NOX5: variants seen among roughly 807,000 people sequenced by gnomAD.
The protein encoded by NOX5 is NADPH oxidase, EF-hand calcium binding domain 5.
A neutral mutation model predicts 85.7 loss-of-function variants in NOX5; 76 were observed. That is an observed-to-expected ratio of 0.89 (90% confidence interval 0.74 to 1.07). The LOEUF (loss-of-function observed/expected upper bound fraction) is 1.07, where lower values mean the gene tolerates loss of function less well. Ranked by LOEUF, NOX5 falls within the 50% of genes least tolerant of loss-of-function variation. The pLI is 0.00. For missense variants in NOX5, 973 were observed against 999.5 expected (o/e 0.97, Z 0.36); for synonymous variants, 405 against 401.4 (o/e 1.01, Z -0.11).
intron 13 of NOX5, 131 bp from the exon 14 acceptor site, chr15:69,048,828 C>T (rs1390052962): frequency 6.9e-6 from 4 of 582,140 alleles, no homozygotes; most frequent in Non-Finnish European, 1.2e-5. Flanking sequence ...TGATTTTTCC[C>T]TCCCTTAAAT....
At chr15:69,032,899 T>A in intron 4 of NOX5, 144 bp from the exon 5 acceptor site, 1 of 1,153,678 alleles carries the variant, frequency 8.7e-7, no homozygotes, top group Non-Finnish European at 1.2e-6. Context: ...ACCAAGCCAC[T>A]TGACCTCTCT....
chr15:69,023,123 T>C (rs979293080), intron 1 of NOX5: 10 of 398,832 alleles, frequency 2.5e-5, no homozygotes, highest in Non-Finnish European at 4.3e-5. Flanking sequence ...TTAATGGAGA[T>C]TCACTGCTGT....
chr15:69,062,577 C>T lies in NOX5; in HGVS notation c.*5881C>T, dbSNP rs948157392. 1.9e-4 allele frequency: 29 copies of T among 152,210 alleles called. No individual in the cohort carries two copies. Among genetic ancestry groups the T allele is most frequent in the African/African-American group, 6.8e-4 (28 of 41,454 alleles). 9.4% of individuals were successfully genotyped at this position (152,210 alleles called of 1,614,324 possible). The stretch of plus-strand genomic sequence containing the variant: ...CTTTAAATAGCATCATTTCGTGCTC[C>T]CCCAGGACACTGTGCAGCTTCGCAC... On this transcript the variant is annotated 3_prime_UTR_variant, in exon 16 of 16. Coordinates refer to ENST00000388866, the MANE Select transcript of NOX5 (RefSeq NM_024505.4).
At chr15:69,056,467 C>A in intron 15 of NOX5, 98 bp from the exon 16 acceptor site, 2 of 1,487,350 alleles carry the variant, frequency 1.3e-6, no homozygotes, top group South Asian at 2.6e-5. Flanking sequence ...TCATTGCTGC[C>A]GACCCGTTAT....
At chr15:69,042,975 G>A (rs1183132152) in intron 10 of NOX5, among the ~76,000 whole-genome samples, 170 bp downstream of exon 10, 1 of 152,300 alleles carries the variant, frequency 6.6e-6, no homozygotes, top group East Asian at 1.9e-4. Context: ...CCTTCTCGAA[G>A]TCTGACCACT....
chr15:69,035,332 C>T, intron 5 of NOX5, 22 bp from the exon 6 acceptor site: 1 of 1,611,450 alleles, frequency 6.2e-7, no homozygotes. Context: ...AGGCAGGGCT[C>T]TCTCCCACTC....
At position 69,022,710 on chromosome 15, in the gene NOX5, A is replaced by C. The variant is rs140282881; in HGVS notation, c.51-3818A>C. ...AAAAAATGAATAGATAAATATGGTC[A>C]TTCAAGAGTTAGGTCTGGATAAAGC... On this transcript the variant is annotated intron_variant, in intron 1 of 15. Coordinates refer to ENST00000388866, the MANE Select transcript of NOX5 (RefSeq NM_024505.4). 1.3e-4 allele frequency: 25 copies of C among 191,364 alleles called. No homozygotes were observed. In the East Asian group the frequency reaches 4.5e-3, roughly 35 times the overall value. 11.9% of individuals were successfully genotyped at this position (191,364 alleles called of 1,614,324 possible). A position where few individuals can be genotyped will look rare whatever the true frequency, so the allele number is the denominator to read the frequency against.
chr15:69,028,428 C>T lies in NOX5; in HGVS notation c.325+63C>T, dbSNP rs184603365. The T allele has an allele frequency of 3.9e-5, 58 of 1,469,316 alleles. No individual in the cohort carries two copies. The East Asian group carries it at 5.1e-4, about 13-fold the overall frequency. The allele number at this position is 1,469,316 out of a possible 1,614,324, so 91.0% of individuals were successfully genotyped here. On this transcript the variant is annotated intron_variant, in intron 3 of 15. Transcript: ENST00000388866. The stretch of plus-strand genomic sequence containing the variant: ...ATCAGTGGGCCTCAGTGAGAACTGG[C>T]CATTTCACCTTGGCAGGCCTGGAGG...
At chr15:69,026,343 A>G (rs927188874) in intron 1 of NOX5, among the ~76,000 whole-genome samples, 185 bp from the exon 2 acceptor site, 1 of 152,172 alleles carries the variant, frequency 6.6e-6, no homozygotes, top group South Asian at 2.1e-4. Flanking sequence ...GAAGAGACTG[A>G]GGCATAGGGA....
Position 69,057,545 on chromosome 15 carries a change from T to C in NOX5, c.*849T>C, listed in dbSNP as rs2050827644. The C allele has an allele frequency of 6.6e-6, 1 of 152,226 alleles. No homozygotes were observed. Among genetic ancestry groups the C allele is most frequent in the East Asian group, 1.9e-4 (1 of 5,198 alleles). The allele number at this position is 152,226 out of a possible 1,614,324, so 9.4% of individuals were successfully genotyped here. ...TGCTGGCCTCTTCCTTCTCTCTGTG[T>C]GCTGAGTCGCTTGAGAAACAGGATG... On this transcript the variant is annotated 3_prime_UTR_variant, in exon 16 of 16. Coordinates refer to ENST00000388866, the MANE Select transcript of NOX5 (RefSeq NM_024505.4).
At chr15:69,050,169 C>G (rs1431346244) in intron 14 of NOX5, among the ~76,000 whole-genome samples, 1 of 152,250 alleles carries the variant, frequency 6.6e-6, no homozygotes, top group African/African-American at 2.4e-5. Context: ...TAAGTCCATT[C>G]ATTCCTTTTC....
intron 14 of NOX5, among the ~76,000 whole-genome samples, chr15:69,051,823 C>G (rs976654866): frequency 3.3e-5 from 5 of 151,402 alleles, no homozygotes; most frequent in Non-Finnish European, 5.9e-5. Context: ...GATTAGACAC[C>G]CTTTTTCCTT....
rs770010452 is a variant in NOX5 at position 69,031,766 on chromosome 15, G to A, written c.574G>A (p.Asp192Asn). The A allele has an allele frequency of 3.1e-5, 50 of 1,608,302 alleles. No individual in the cohort carries two copies. The highest frequency in any genetic ancestry group is 7.7e-5 in the South Asian group (7 of 90,878). ...NGAITFEELR[D>N]ELQRFPGVME... ...GGCCATCACCTTCGAGGAGCTCCGG[G>A]ACGAGCTGCAGCGCTTCCCCGGAGT... The change falls in exon 4 of 16, where the codon GAC becomes AAC. Residue 192 changes from aspartate (D) to asparagine (N), a missense_variant. Physicochemically the swap from Asp to Asn is conservative, Grantham distance 23. Transcript: ENST00000388866.
Position 69,042,320 on chromosome 15 carries a change from G to A in NOX5, c.1505-343G>A, listed in dbSNP as rs1462997666. 5.9e-5 allele frequency among the ~76,000 whole-genome samples: 9 copies of A among 152,336 alleles called. No individual in the cohort carries two copies. In the East Asian group the frequency reaches 1.7e-3, roughly 29 times the overall value. On this transcript the variant is annotated intron_variant, in intron 9 of 15. Coordinates refer to ENST00000388866, the MANE Select transcript of NOX5 (RefSeq NM_024505.4). ...CTACTGTGTGCACAACCATTGAATA[G>A]CAGGAGGGCCTGTTTTGGTGAGTCC...
chr15:69,049,102 G>C (rs894629438), intron 14 of NOX5, 44 bp downstream of exon 14: 3 of 1,281,812 alleles, frequency 2.3e-6, no homozygotes, highest in African/African-American at 1.5e-5. Context: ...GTAGGGCAGG[G>C]GCCTTCAGCT....
At chr15:69,042,577 C>A in intron 9 of NOX5, 86 bp from the exon 10 acceptor site, 1 of 1,438,920 alleles carries the variant, frequency 6.9e-7, no homozygotes, top group Non-Finnish European at 9.4e-7. Flanking sequence ...TGAGGCCCAG[C>A]AGCAATCCCT....
intron 1 of NOX5, among the ~76,000 whole-genome samples, chr15:69,019,395 T>C (rs1279912722): frequency 6.6e-6 from 1 of 152,250 alleles, no homozygotes; most frequent in Non-Finnish European, 1.5e-5. Flanking sequence ...CTTTGTGATA[T>C]TGTACTACAA....
chr15:69,026,625 T>A lies in NOX5; in HGVS notation c.148T>A (p.Phe50Ile). Residue 50 changes from phenylalanine to isoleucine, a missense_variant, in exon 2 of 16, where the codon TTC becomes ATC. Physicochemically the swap from Phe to Ile is conservative, Grantham distance 21. Transcript: ENST00000388866. ...GEDGEISLQE[F>I]KAALHVKESF... ...AGATGGGGAGATCAGCCTGCAAGAA[T>A]TCAAAGCAGCTCTGCATGTGAAAGA... 6.2e-7 allele frequency: 1 copy of A among 1,614,168 alleles called. No homozygotes were observed. The highest frequency in any genetic ancestry group is 8.5e-7 in the Non-Finnish European group (1 of 1,180,014).
intron 7 of NOX5, 141 bp downstream of exon 7, chr15:69,036,077 C>T (rs2050513235): frequency 2.7e-6 from 3 of 1,104,328 alleles, no homozygotes; most frequent in Admixed American, 5.3e-5. Context: ...TTGGGACCTG[C>T]TGCTGTGTTC....
Sources: gnomAD v4.1 joint callset for allele counts (sites outside exome capture counted in the v4.1 genomes callset) on GRCh38, gnomAD v4.1.1 for gene constraint, MANE v1.5 for transcripts, NCBI Gene and HGNC (gene_info 2026-07-23, HGNC 2026-07-21) for gene names.